SNAP25: variants seen among roughly 807,000 people sequenced by gnomAD.
The protein encoded by SNAP25 is synaptosome associated protein 25, also known as synaptosomal-associated protein 25.
SNAP25 carries 3 observed loss-of-function variants against 28.7 expected under a neutral mutation model. The ratio of observed to expected loss-of-function variants is 0.10; its 90% CI spans 0.05 to 0.27. The LOEUF is 0.27. Among genes scored for constraint, SNAP25 ranks in the 10% least tolerant of loss-of-function variants. The pLI is 1.00. For missense variants in SNAP25, 117 were observed against 278.7 expected (o/e 0.42, Z 4.13); for synonymous variants, 61 against 88.1 (o/e 0.69, Z 1.72).
At chr20:10,221,365 T>TA (rs2062630672) in intron 1 of SNAP25, among the ~76,000 whole-genome samples, 1 of 152,078 alleles carries the variant, frequency 6.6e-6, no homozygotes, top group Non-Finnish European at 1.5e-5. Flanking sequence ...CTGAGAAATT[T>TA]AAAAAATATA....
chr20:10,265,972 G>A (rs1216011915), intron 1 of SNAP25, among the ~76,000 whole-genome samples: 1 of 152,122 alleles, frequency 6.6e-6, no homozygotes, highest in Non-Finnish European at 1.5e-5. Context: ...AAAGGTTTGG[G>A]GGTTTCTATA....
chr20:10,242,754 A>G (rs760302274), intron 1 of SNAP25, among the ~76,000 whole-genome samples: 13 of 152,218 alleles, frequency 8.5e-5, no homozygotes, highest in Non-Finnish European at 1.6e-4. Context: ...ATAGGGATCA[A>G]TTTATGGGCA....
At chr20:10,252,859 G>A (rs1335507922) in intron 1 of SNAP25, among the ~76,000 whole-genome samples, 1 of 148,744 alleles carries the variant, frequency 6.7e-6, no homozygotes, top group Non-Finnish European at 1.5e-5. Flanking sequence ...TGGCCACTTA[G>A]TAAGTGTGTA....
At chr20:10,244,274 G>A (rs1162584527) in intron 1 of SNAP25, among the ~76,000 whole-genome samples, 1 of 152,084 alleles carries the variant, frequency 6.6e-6, no homozygotes, top group African/African-American at 2.4e-5. Context: ...ATGCACCTCA[G>A]TGACATAAAC....
At chr20:10,252,573 C>T (rs1287018593) in intron 1 of SNAP25, among the ~76,000 whole-genome samples, 2 of 152,198 alleles carry the variant, frequency 1.3e-5, no homozygotes, top group African/African-American at 4.8e-5. Context: ...TGGCAATATA[C>T]ATATGTTAAA....
chr20:10,279,970 G>A (rs1057136322), intron 3 of SNAP25, among the ~76,000 whole-genome samples: 6 of 152,168 alleles, frequency 3.9e-5, no homozygotes, highest in Admixed American at 2.6e-4. Context: ...CAAAAAGGAC[G>A]TTCTCTAAAG....
At chr20:10,248,431 A>ATCT (rs960619753) in intron 1 of SNAP25, among the ~76,000 whole-genome samples, 2 of 152,212 alleles carry the variant, frequency 1.3e-5, no homozygotes, top group African/African-American at 4.8e-5. Flanking sequence ...ATTAACCATA[A>ATCT]TCTCATGTGC....
intron 4 of SNAP25, among the ~76,000 whole-genome samples, chr20:10,287,646 G>A (rs370278160): frequency 0.19 from 24,482 of 129,474 alleles, 2,620 homozygotes; most frequent in African/African-American, 0.26. Flanking sequence ...TGACCCAGCC[G>A]TCCCATTACT....
intron 1 of SNAP25, among the ~76,000 whole-genome samples, chr20:10,253,758 AC>A (rs1224810034): frequency 3.9e-5 from 6 of 152,208 alleles, no homozygotes; most frequent in Non-Finnish European, 8.8e-5. Context: ...ATTTGGGGGT[AC>A]TAATACAAGC....
intron 1 of SNAP25, among the ~76,000 whole-genome samples, chr20:10,259,558 A>C (rs1952589249): frequency 7.8e-6 from 1 of 128,042 alleles, no homozygotes; most frequent in South Asian, 2.3e-4. Flanking sequence ...ATTTTTTTTG[A>C]GACAGAGTCT....
chr20:10,267,908 A>T (rs1310022522), intron 1 of SNAP25, among the ~76,000 whole-genome samples: 4 of 152,202 alleles, frequency 2.6e-5, no homozygotes, highest in African/African-American at 4.8e-5. Context: ...TTTGAGAATA[A>T]ATATGCTATG....
At chr20:10,285,829 C>T (rs982975667) in intron 4 of SNAP25, among the ~76,000 whole-genome samples, 30 of 152,142 alleles carry the variant, frequency 2.0e-4, no homozygotes, top group African/African-American at 6.5e-4. Flanking sequence ...TGAAACCATG[C>T]TCTAATCACC....
At position 10,221,562 on chromosome 20, in the gene SNAP25, C is replaced by T. The variant is rs115979773; in HGVS notation, c.-64+2585C>T. ...GACCCTCTGATGCCTGTTTGTTCAT[C>T]GGCATTTACTGCATTACCACCTCAG... is the stretch of plus-strand genomic sequence containing the variant. On this transcript the variant is annotated intron_variant, in intron 1 of 7. Coordinates refer to ENST00000254976, the MANE Select transcript of SNAP25 (RefSeq NM_130811.4). Among the ~76,000 whole-genome samples the T allele has an allele frequency of 4.1e-3, 620 of 152,286 alleles. 3 individuals carry two copies. The highest frequency in any genetic ancestry group is 0.014 in the African/African-American group (595 of 41,554).
intron 1 of SNAP25, among the ~76,000 whole-genome samples, chr20:10,263,343 G>T (rs1258980414): frequency 6.6e-6 from 1 of 152,074 alleles, no homozygotes; most frequent in Admixed American, 6.6e-5. Context: ...CTTACAAAGA[G>T]GGTCACAGGC....
rs888313042 is a variant in SNAP25, at chr20:10,293,797, G to A, written c.281+519G>A. ...CACCAGTTGCCAAATTTTGTCAATA[G>A]ATGCTGCCACTGCACCCAACACAGA... is the stretch of plus-strand genomic sequence containing the variant. On this transcript the variant is annotated intron_variant, in intron 5 of 7. Transcript: ENST00000254976. The surrounding 1 kb of genome is among the most constrained non-coding windows in gnomAD (Gnocchi z 5.6). 2.0e-5 allele frequency among the ~76,000 whole-genome samples: 3 copies of A among 152,158 alleles called. No homozygotes were observed. Among genetic ancestry groups the A allele is most frequent in the Non-Finnish European group, 2.9e-5 (2 of 68,030 alleles).
intron 4 of SNAP25, among the ~76,000 whole-genome samples, chr20:10,285,101 C>G (rs2063850577): frequency 6.6e-6 from 1 of 152,048 alleles, no homozygotes; most frequent in Non-Finnish European, 1.5e-5. Flanking sequence ...ATCTTTGCCC[C>G]TAAACTTTCC....
At chr20:10,299,445 C>G (rs1243847476) in intron 7 of SNAP25, 33 bp downstream of exon 7, 13 of 1,600,482 alleles carry the variant, frequency 8.1e-6, no homozygotes, top group Non-Finnish European at 1.1e-5. Context: ...GTCCCTACTG[C>G]GAGTCACTTC....
chr20:10,273,793 C>T (rs362583), intron 1 of SNAP25, among the ~76,000 whole-genome samples: 1,703 of 152,284 alleles, frequency 0.011, 48 homozygotes, highest in African/African-American at 0.038. Context: ...TGACCATCTC[C>T]GCTACAAGAC....
intron 2 of SNAP25, among the ~76,000 whole-genome samples, chr20:10,276,743 AAG>A (rs1227279075): frequency 6.6e-6 from 1 of 152,214 alleles, no homozygotes; most frequent in Non-Finnish European, 1.5e-5. Flanking sequence ...ATTTACAATA[AAG>A]AGAGTATTGT....
Sources: gnomAD v4.1 joint callset for allele counts (sites outside exome capture counted in the v4.1 genomes callset) on GRCh38, gnomAD v4.1.1 for gene constraint, Gnocchi (gnomAD v3.1) non-coding constraint, MANE v1.5 for transcripts, NCBI Gene and HGNC (gene_info 2026-07-23, HGNC 2026-07-21) for gene names.